Variants in LARGE1 observed in about 807,000 individuals in gnomAD.
LARGE1 encodes the protein xylosyl- and glucuronyltransferase LARGE1.
In LARGE1, 43 loss-of-function variants were observed where a neutral mutation model predicts 87.6. The observed-to-expected ratio is 0.49, with a 90% CI of 0.38 to 0.63. The LOEUF is 0.63. Ranked by LOEUF, LARGE1 falls within the 30% of genes least tolerant of loss-of-function variation. The pLI is 0.00. For synonymous variants in LARGE1, 434 were observed against 394.6 expected (o/e 1.10, Z -1.18); for missense variants, 802 against 1,000.2 (o/e 0.80, Z 2.67).
chr22:33,395,420 G>T (rs949478050), intron 7 of LARGE1, among the ~76,000 whole-genome samples: 1 of 152,116 alleles, frequency 6.6e-6, no homozygotes, highest in South Asian at 2.1e-4. Flanking sequence ...CTCCTGCATG[G>T]TAGGAACATT....
chr22:33,903,794 T>C (rs2065354699), intron 1 of LARGE1, among the ~76,000 whole-genome samples: 1 of 152,036 alleles, frequency 6.6e-6, no homozygotes, highest in African/African-American at 2.4e-5. Flanking sequence ...CACTGCACCC[T>C]AGCCTGGTGA....
chr22:33,540,370 T>C (rs1473985284), intron 6 of LARGE1, among the ~76,000 whole-genome samples: 1 of 152,238 alleles, frequency 6.6e-6, no homozygotes, highest in African/African-American at 2.4e-5. Context: ...CTGTGTGTGC[T>C]TGATCCTATG....
chr22:33,792,784 TTC>T (rs2085863620), intron 1 of LARGE1, among the ~76,000 whole-genome samples: 1 of 152,148 alleles, frequency 6.6e-6, no homozygotes, highest in Non-Finnish European at 1.5e-5. Context: ...ACACCCTCCT[TTC>T]TCTCCCCCAT....
chr22:33,478,971 C>T (rs1264880253), intron 6 of LARGE1, among the ~76,000 whole-genome samples: 4 of 152,098 alleles, frequency 2.6e-5, no homozygotes, highest in African/African-American at 7.2e-5. Flanking sequence ...GTAGTTGACA[C>T]CAAGGATTTT....
At chr22:33,073,448 C>T in the LARGE1 span, among the ~76,000 whole-genome samples, 2 of 152,194 alleles carry the variant, frequency 1.3e-5, no homozygotes, top group African/African-American at 2.4e-5. Flanking sequence ...TAAGCTATGC[C>T]GGGTTCTCTT....
chr22:33,879,927 C>T (rs914121071), intron 1 of LARGE1, among the ~76,000 whole-genome samples: 8 of 152,188 alleles, frequency 5.3e-5, no homozygotes, highest in African/African-American at 1.9e-4. Context: ...CTCATCTTGA[C>T]ACCCTGTTTT....
At chr22:33,727,521 G>A (rs938893379) in intron 2 of LARGE1, 6 of 152,246 alleles carry the variant, frequency 3.9e-5, no homozygotes, top group Non-Finnish European at 7.3e-5. Context: ...AACAGAACGT[G>A]GAGAGAGATG....
intron 11 of LARGE1, among the ~76,000 whole-genome samples, chr22:33,190,123 T>TGATA (rs2146189336): frequency 6.6e-6 from 1 of 152,150 alleles, no homozygotes; most frequent in South Asian, 2.1e-4. Context: ...AGCTCTGCAG[T>TGATA]GATAGCACTG....
chr22:33,128,777 G>A, the LARGE1 span, among the ~76,000 whole-genome samples: 1 of 152,114 alleles, frequency 6.6e-6, no homozygotes, highest in Non-Finnish European at 1.5e-5. Context: ...AAAGAGGAAT[G>A]AGATCATGTG....
chr22:33,570,371 G>C (rs1474880693), intron 5 of LARGE1, among the ~76,000 whole-genome samples: 1 of 152,082 alleles, frequency 6.6e-6, no homozygotes, highest in East Asian at 1.9e-4. Context: ...TTTTGTCAGG[G>C]GAAATAAGTC....
chr22:33,524,502 C>A (rs1442850970), intron 6 of LARGE1, among the ~76,000 whole-genome samples: 1 of 151,976 alleles, frequency 6.6e-6, no homozygotes, highest in Non-Finnish European at 1.5e-5. Flanking sequence ...ATGTCCAACT[C>A]AATCCTGGGG....
chr22:33,638,263 G>T (rs1430614021), intron 3 of LARGE1, among the ~76,000 whole-genome samples: 2 of 152,188 alleles, frequency 1.3e-5, no homozygotes, highest in Non-Finnish European at 2.9e-5. Context: ...CAGAATATAG[G>T]TGAGACGCAT....
At chr22:33,257,219 C>CA (rs1283382660) in intron 11 of LARGE1, among the ~76,000 whole-genome samples, 2 of 151,534 alleles carry the variant, frequency 1.3e-5, no homozygotes, top group African/African-American at 4.8e-5. Flanking sequence ...AATAAACAAA[C>CA]AACAACAACA....
intron 2 of LARGE1, among the ~76,000 whole-genome samples, chr22:33,685,135 G>A (rs2081906621): frequency 6.6e-6 from 1 of 152,210 alleles, no homozygotes; most frequent in Admixed American, 6.5e-5. Flanking sequence ...TGTGACTGGG[G>A]CAGCTGGCAT....
At chr22:33,564,304 T>C (rs2077955405) in intron 6 of LARGE1, among the ~76,000 whole-genome samples, 1 of 152,150 alleles carries the variant, frequency 6.6e-6, no homozygotes, top group South Asian at 2.1e-4. Flanking sequence ...CCCTAGGTAC[T>C]CTCATATACC....
the LARGE1 span, among the ~76,000 whole-genome samples, chr22:33,102,821 C>T: frequency 6.6e-6 from 1 of 152,132 alleles, no homozygotes. Context: ...GCCTGCACTC[C>T]CGGCCCTTTC....
rs139269741 is a variant in LARGE1, at chr22:33,559,614, G to A, written c.787+5234C>T. ...ACCTCCTAAAGGCTCTACTCTTAAC[G>A]CCATTGCACTGGGGGTTAGGTTTCA... On this transcript the variant is annotated intron_variant, in intron 6 of 14. Transcript: ENST00000397394. Among the ~76,000 whole-genome samples, 16 of 152,260 alleles carry A rather than the reference G, an allele frequency of 1.1e-4. No homozygotes were observed. In the East Asian group the frequency reaches 2.7e-3, roughly 26 times the overall value.
chr22:33,360,607 A>AC (rs2064352993), intron 9 of LARGE1, among the ~76,000 whole-genome samples: 1 of 148,352 alleles, frequency 6.7e-6, no homozygotes, highest in Non-Finnish European at 1.5e-5. Context: ...ATGAGAAACC[A>AC]CCCCCATGAT....
chr22:33,370,848 TTAA>T (rs1165763194), intron 9 of LARGE1, among the ~76,000 whole-genome samples: 1 of 149,384 alleles, frequency 6.7e-6, no homozygotes, highest in Non-Finnish European at 1.5e-5. Context: ...ATAATTGATA[TTAA>T]TATTAATAAA....
Sources: allele counts gnomAD v4.1 joint callset (sites outside exome capture counted in the v4.1 genomes callset), GRCh38; gene constraint gnomAD v4.1.1; transcripts MANE v1.5; gene names NCBI Gene and HGNC (gene_info 2026-07-23, HGNC 2026-07-21).